CAP1: variants seen among roughly 807,000 people sequenced by gnomAD.
CAP1 encodes adenylyl cyclase-associated protein 1.
Under a neutral mutation model 58.2 loss-of-function variants are expected in CAP1, and 11 were observed. The observed-to-expected ratio is 0.19, with a 90% confidence interval of 0.12 to 0.31. The LOEUF is 0.31. Ranked by LOEUF, CAP1 falls within the 10% of genes least tolerant of loss-of-function variation. The probability of loss-of-function intolerance (pLI) is 1.00; values close to 1 mark genes in which losing one functional copy is unlikely to be tolerated. For synonymous variants in CAP1, 183 were observed against 213.8 expected (o/e 0.86, Z 1.26); for missense variants, 423 against 587.5 (o/e 0.72, Z 2.89).
chr1:40,059,350 G>A lies in CAP1; in HGVS notation c.4G>A (p.Ala2Thr). 2 of 1,604,482 alleles carry A rather than the reference G, an allele frequency of 1.2e-6. No homozygotes were observed. The highest frequency in any genetic ancestry group is 1.7e-6 in the Non-Finnish European group (2 of 1,171,318). ...CTGTTTCAGCAGGTGGTCCATTATG[G>A]CTGACATGCAAAATCTGGTAGAAAG... is the stretch of plus-strand genomic sequence containing the variant. MADMQNLVERLE... is the reference protein window; with the variant it reads MTDMQNLVERLE... The change falls in exon 2 of 13, where the codon GCT (alanine) becomes ACT (threonine). Residue 2 changes from alanine to threonine, a missense_variant. Coordinates refer to ENST00000372805, the MANE Select transcript of CAP1 (RefSeq NM_006367.4).
rs553754023 is a variant in CAP1 at position 40,048,882 on chromosome 1, A to G, written c.-11+8081A>G. ...TTTGAAGCAAATCAATTGGGCTACC[A>G]TAGTAGACAGGCTGATTTGTATGGG... On this transcript the variant is annotated intron_variant, in intron 1 of 12. Coordinates refer to ENST00000372805, the MANE Select transcript of CAP1 (RefSeq NM_006367.4). 5.9e-5 allele frequency among the ~76,000 whole-genome samples: 9 copies of G among 152,340 alleles called. No individual in the cohort carries two copies. In the East Asian group the frequency reaches 7.7e-4, roughly 13 times the overall value.
intron 3 of CAP1, among the ~76,000 whole-genome samples, chr1:40,060,987 C>T (rs1362101374): frequency 6.6e-6 from 1 of 152,052 alleles, no homozygotes; most frequent in East Asian, 1.9e-4. Context: ...TTTAAAAATG[C>T]AAATCCAGAA....
At chr1:40,056,970 G>T (rs1332951106) in intron 1 of CAP1, among the ~76,000 whole-genome samples, 1 of 151,792 alleles carries the variant, frequency 6.6e-6, no homozygotes, top group African/African-American at 2.4e-5. Context: ...GCTATAAATG[G>T]TAGCTGTATT....
rs1311276451 is a variant in CAP1 at position 40,069,670 on chromosome 1, G to T, written c.809-20G>T. The T allele has an allele frequency of 2.5e-6, 4 of 1,605,164 alleles. No individual in the cohort carries two copies. The highest frequency in any genetic ancestry group is 3.4e-6 in the Non-Finnish European group (4 of 1,173,860). On this transcript the variant is annotated intron_variant, in intron 8 of 12. Transcript: ENST00000372805. ...GGTCTGGTATGAAGGACAGGAACAA[G>T]GTAGCTGTTGTTCTTACAGCCCTGA...
At chr1:40,069,967 T>G in intron 9 of CAP1, 93 bp downstream of exon 9, 1 of 1,424,412 alleles carries the variant, frequency 7.0e-7, no homozygotes, top group South Asian at 1.4e-5. Flanking sequence ...TGGAGTGCAG[T>G]GGCGCGATTT....
chr1:40,049,973 G>A (rs1255171983), intron 1 of CAP1, among the ~76,000 whole-genome samples: 1 of 152,124 alleles, frequency 6.6e-6, no homozygotes, highest in Non-Finnish European at 1.5e-5. Flanking sequence ...CAAGATTCGT[G>A]GGTGGAAGTT....
chr1:40,056,654 G>T (rs370368992), intron 1 of CAP1, among the ~76,000 whole-genome samples: 1 of 152,010 alleles, frequency 6.6e-6, no homozygotes, highest in Non-Finnish European at 1.5e-5. Context: ...TGCTGCTCTG[G>T]TAGTCTTTAG....
chr1:40,071,408 T>C (rs772470053), intron 12 of CAP1, 42 bp from the exon 13 acceptor site: 6 of 1,413,620 alleles, frequency 4.2e-6, no homozygotes, highest in Non-Finnish European at 6.0e-6. Flanking sequence ...CCAGCTGTTC[T>C]TTAGCTCAGA....
intron 1 of CAP1, among the ~76,000 whole-genome samples, chr1:40,045,003 C>CA (rs1646024424): frequency 1.3e-5 from 2 of 151,652 alleles, no homozygotes; most frequent in Non-Finnish European, 2.9e-5. Flanking sequence ...TCACTGTGGT[C>CA]TTGATCTCCT....
At chr1:40,047,770 C>T (rs181763900) in intron 1 of CAP1, among the ~76,000 whole-genome samples, 1 of 152,248 alleles carries the variant, frequency 6.6e-6, no homozygotes, top group Admixed American at 6.5e-5. Flanking sequence ...CCTGTTTGCT[C>T]CAGACATTGA....
rs565750101 is a variant in CAP1 at position 40,045,171 on chromosome 1, C to T, written c.-11+4370C>T. The stretch of plus-strand genomic sequence containing the variant: ...ACCCAGTAGATGCCAATAAGACTTC[C>T]TCAGTTGTGACAACCAAAAATGTCT... On this transcript the variant is annotated intron_variant, in intron 1 of 12. Coordinates refer to ENST00000372805, the MANE Select transcript of CAP1 (RefSeq NM_006367.4). Among the ~76,000 whole-genome samples, 4 of 152,196 alleles carry T rather than the reference C, an allele frequency of 2.6e-5. No individual in the cohort carries two copies. The East Asian group carries it at 7.7e-4, about 29-fold the overall frequency.
At chr1:40,048,150 C>T (rs1396068750) in intron 1 of CAP1, among the ~76,000 whole-genome samples, 1 of 152,086 alleles carries the variant, frequency 6.6e-6, no homozygotes, top group African/African-American at 2.4e-5. Flanking sequence ...TCCTGAGTAG[C>T]TGGGATTACA....
chr1:40,043,874 CA>C (rs11396688), intron 1 of CAP1, among the ~76,000 whole-genome samples: 3 of 147,912 alleles, frequency 2.0e-5, no homozygotes, highest in Admixed American at 6.7e-5. Context: ...GACTCTGTCT[CA>C]AAAAAAAAAG....
intron 7 of CAP1, chr1:40,067,269 T>C (rs961650586): frequency 2.2e-5 from 9 of 401,334 alleles, no homozygotes; most frequent in African/African-American, 1.9e-4. Context: ...CTAAGGAAGA[T>C]GTCAAGTAGA....
At chr1:40,069,963 G>A in intron 9 of CAP1, 89 bp downstream of exon 9, 1 of 1,428,850 alleles carries the variant, frequency 7.0e-7, no homozygotes, top group Non-Finnish European at 9.4e-7. Flanking sequence ...AGGCTGGAGT[G>A]CAGTGGCGCG....
chr1:40,045,757 T>C (rs879617780), intron 1 of CAP1, among the ~76,000 whole-genome samples: 1 of 152,180 alleles, frequency 6.6e-6, no homozygotes, highest in Admixed American at 6.5e-5. Context: ...GGTTTTGCCA[T>C]GTTGGCCAGG....
rs1161354161 is a variant in CAP1 at position 40,061,907 on chromosome 1, A to C, written c.294+95A>C. The C allele has an allele frequency of 4.2e-6, 4 of 948,290 alleles. No homozygotes were observed. In the African/African-American group the frequency reaches 6.5e-5, roughly 15 times the overall value. The allele number at this position is 948,290 out of a possible 1,614,324, so 58.7% of individuals were successfully genotyped here. A position where few individuals can be genotyped will look rare whatever the true frequency, so the allele number is the denominator to read the frequency against. On this transcript the variant is annotated intron_variant, in intron 4 of 12. Coordinates refer to ENST00000372805, the MANE Select transcript of CAP1 (RefSeq NM_006367.4). ...TATTATAACATTTTAAAATAGACCT[A>C]CTAGGCTTTTGATAATATATGTTCA...
At chr1:40,070,694 A>C (rs1570437959) in intron 11 of CAP1, 142 bp from the exon 12 acceptor site, 1 of 910,478 alleles carries the variant, frequency 1.1e-6, no homozygotes, top group East Asian at 2.4e-5. Flanking sequence ...ACCCATCCCA[A>C]CCCACCCGAG....
Position 40,070,002 on chromosome 1 carries a change from C to T in CAP1, c.993+128C>T, listed in dbSNP as rs142100140. The T allele has an allele frequency of 1.6e-4, 225 of 1,386,758 alleles. 2 individuals carry two copies. In the African/African-American group the frequency reaches 2.3e-3, roughly 14 times the overall value. 85.9% of individuals were successfully genotyped at this position (1,386,758 alleles called of 1,614,324 possible). ...TCGGCTTACCGCAACCTCCGCCTCC[C>T]GGGGAAAAGGAGTAGGAACAGGAGG... On this transcript the variant is annotated intron_variant, in intron 9 of 12. Coordinates refer to ENST00000372805, the MANE Select transcript of CAP1 (RefSeq NM_006367.4).
Sources: allele counts gnomAD v4.1 joint callset (sites outside exome capture counted in the v4.1 genomes callset), GRCh38; gene constraint gnomAD v4.1.1; transcripts MANE v1.5; gene names NCBI Gene and HGNC (gene_info 2026-07-23, HGNC 2026-07-21).